The following MTMR7 variants were observed in gnomAD, a reference collection of about 807,000 sequenced individuals.
The protein encoded by MTMR7 is myotubularin related protein 7.
Under a neutral mutation model 81.2 loss-of-function variants are expected in MTMR7, and 76 were observed. The observed-to-expected ratio is 0.94, with a 90% confidence interval of 0.78 to 1.13. MTMR7 has a LOEUF of 1.13. MTMR7 is among the 50% of genes most tolerant of loss of function. The pLI is 0.00. For synonymous variants in MTMR7, 372 were observed against 289.8 expected, an observed-to-expected ratio of 1.28 and a Z score of -2.88; for missense variants, 1,044 against 820.0, an observed-to-expected ratio of 1.27 and a Z score of -3.34.
chr8:17,373,184 A>G lies in MTMR7; in HGVS notation c.81T>C (p.Thr27=), dbSNP rs146882978. 4 of 1,613,856 alleles carry G rather than the reference A, an allele frequency of 2.5e-6. No homozygotes were observed. In the East Asian group the frequency reaches 6.7e-5, roughly 27 times the overall value. Reference sequence around the variant, plus strand: ...TGACATGGGTAGCCGTCAAATACAAAGTACCTAGAGCTGCTTTTTTAGGAG... The same window carrying G: ...TGACATGGGTAGCCGTCAAATACAAGGTACCTAGAGCTGCTTTTTTAGGAG... ...RVSPKKAALG[T]LYLTATHVIF... The change falls in exon 2 of 14, where the codon ACT becomes ACC. Residue 27 remains threonine (T), a synonymous_variant. Transcript: ENST00000180173.
intron 1 of MTMR7, among the ~76,000 whole-genome samples, chr8:17,412,345 G>A (rs551684365): frequency 2.6e-5 from 4 of 152,286 alleles, no homozygotes; most frequent in Middle Eastern, 6.8e-3. Flanking sequence ...GACCTGTCAG[G>A]GGCCTACATT....
In MTMR7 at chr8:17,302,377, A is replaced by G. The variant is rs149201767; in HGVS notation, c.1494-97T>C. The G allele has an allele frequency of 9.0e-6, 12 of 1,339,578 alleles. No individual in the cohort carries two copies. The East Asian group carries it at 1.7e-4, about 19-fold the overall frequency. 83.0% of individuals were successfully genotyped at this position (1,339,578 alleles called of 1,614,324 possible). ...AGGTATCTATGATACCACAGTCTTA[A>G]TAATAACCAAATGCAAATTTCAGCC... is the stretch of plus-strand genomic sequence containing the variant. On this transcript the variant is annotated intron_variant, in intron 12 of 13. Coordinates refer to ENST00000180173, the MANE Select transcript of MTMR7 (RefSeq NM_004686.5).
chr8:17,412,382 C>G (rs1259582780), intron 1 of MTMR7, among the ~76,000 whole-genome samples: 1 of 152,154 alleles, frequency 6.6e-6, no homozygotes, highest in African/African-American at 2.4e-5. Flanking sequence ...CCTGCAAAAA[C>G]GCAAGGAGCT....
At chr8:17,300,288 A>G in intron 13 of MTMR7, 64 bp from the exon 14 acceptor site, 2 of 1,490,464 alleles carry the variant, frequency 1.3e-6, no homozygotes, top group Non-Finnish European at 1.8e-6. Context: ...CTATATATGC[A>G]TGTCTTTAGC....
intron 4 of MTMR7, chr8:17,349,489 C>T: frequency 5.6e-6 from 1 of 178,934 alleles, no homozygotes; most frequent in South Asian, 1.2e-4. Flanking sequence ...CATAAGCACA[C>T]TGGTTAAGCC....
At chr8:17,373,883 C>T (rs750669040) in intron 1 of MTMR7, among the ~76,000 whole-genome samples, 7 of 152,142 alleles carry the variant, frequency 4.6e-5, no homozygotes, top group Non-Finnish European at 8.8e-5. Flanking sequence ...ACAAAGCATA[C>T]CTCTCTCATA....
chr8:17,408,939 G>T (rs1053008558), intron 1 of MTMR7, among the ~76,000 whole-genome samples: 7 of 151,958 alleles, frequency 4.6e-5, no homozygotes, highest in African/African-American at 1.7e-4. Flanking sequence ...CCACTGAATT[G>T]TGCATTTTAA....
intron 6 of MTMR7, among the ~76,000 whole-genome samples, chr8:17,340,619 CTGAGT>C (rs1819379496): frequency 6.6e-6 from 1 of 152,128 alleles, no homozygotes; most frequent in Non-Finnish European, 1.5e-5. Flanking sequence ...AAAGTTAAGG[CTGAGT>C]GGGAGGTAAG....
intron 4 of MTMR7, among the ~76,000 whole-genome samples, chr8:17,351,636 C>A (rs574623183): frequency 6.6e-6 from 1 of 152,338 alleles, no homozygotes; most frequent in African/African-American, 2.4e-5. Context: ...TGGAGGCCTC[C>A]CCTCTATGAA....
intron 1 of MTMR7, among the ~76,000 whole-genome samples, chr8:17,399,234 C>G (rs1226332832): frequency 1.3e-5 from 2 of 151,936 alleles, no homozygotes; most frequent in East Asian, 3.9e-4. Context: ...TTGGAAAAAC[C>G]TAAAGACTCC....
At chr8:17,395,196 A>C (rs1429108893) in intron 1 of MTMR7, among the ~76,000 whole-genome samples, 1 of 152,030 alleles carries the variant, frequency 6.6e-6, no homozygotes, top group East Asian at 1.9e-4. Context: ...GGCTTATTTC[A>C]CTTGTCTTCA....
In MTMR7 at chr8:17,373,070, G is replaced by A. The variant is rs35105012; in HGVS notation, c.147+48C>T. 0.24 allele frequency: 382,032 copies of A among 1,598,584 alleles called. 57,030 individuals carry two copies. The highest frequency in any genetic ancestry group is 0.72 in the East Asian group (32,235 of 44,680). On this transcript the variant is annotated intron_variant, in intron 2 of 13. Coordinates refer to ENST00000180173, the MANE Select transcript of MTMR7 (RefSeq NM_004686.5). The stretch of plus-strand genomic sequence containing the variant: ...AATGAATGGAGGGCAAACACTTTTT[G>A]CTTCAAACAACGCAAAACAAGGAAA...
chr8:17,379,866 T>G (rs779369791), intron 1 of MTMR7, among the ~76,000 whole-genome samples: 47 of 152,184 alleles, frequency 3.1e-4, no homozygotes, highest in Admixed American at 9.2e-4. Flanking sequence ...TGAACAAATC[T>G]AATCTAAACT....
intron 4 of MTMR7, among the ~76,000 whole-genome samples, chr8:17,358,707 A>G (rs962208071): frequency 6.6e-6 from 1 of 152,162 alleles, no homozygotes; most frequent in African/African-American, 2.4e-5. Flanking sequence ...ACAAATACTG[A>G]TCAAAAACAA....
chr8:17,318,370 C>T (rs186648904), intron 7 of MTMR7, among the ~76,000 whole-genome samples: 1 of 152,060 alleles, frequency 6.6e-6, no homozygotes. Context: ...TACAGCACAC[C>T]AGTGAACAGC....
intron 7 of MTMR7, 27 bp from the exon 8 acceptor site, chr8:17,313,428 C>T: frequency 6.9e-7 from 1 of 1,452,586 alleles, no homozygotes; most frequent in Non-Finnish European, 9.6e-7. Context: ...GTTATAAAAG[C>T]AAAATTAAGG....
chr8:17,398,038 C>G (rs927759879), intron 1 of MTMR7, among the ~76,000 whole-genome samples: 1 of 152,152 alleles, frequency 6.6e-6, no homozygotes, highest in South Asian at 2.1e-4. Flanking sequence ...TCGCTTAAAG[C>G]CCGAGGGCTC....
intron 6 of MTMR7, chr8:17,338,901 A>G (rs1440653700): frequency 7.6e-6 from 1 of 132,128 alleles, no homozygotes; most frequent in Non-Finnish European, 1.6e-5. Flanking sequence ...GTGAGTAGTA[A>G]CTCCACACAC....
At chr8:17,387,686 C>T (rs1053482861) in intron 1 of MTMR7, among the ~76,000 whole-genome samples, 5 of 152,190 alleles carry the variant, frequency 3.3e-5, no homozygotes, top group African/African-American at 1.2e-4. Flanking sequence ...CACATTTCTA[C>T]AGATTTTGGA....
Sources: allele counts gnomAD v4.1 joint callset (sites outside exome capture counted in the v4.1 genomes callset), GRCh38; gene constraint gnomAD v4.1.1; transcripts MANE v1.5; gene names NCBI Gene and HGNC (gene_info 2026-07-23, HGNC 2026-07-21).